CRADD: variants seen among roughly 807,000 people sequenced by gnomAD.
CRADD encodes the protein CARD and death domain containing adaptor protein, also known as death domain-containing protein CRADD.
A neutral mutation model predicts 15.5 loss-of-function variants in CRADD; 9 were observed. The observed-to-expected ratio is 0.58, with a 90% confidence interval of 0.35 to 1.01. CRADD has a LOEUF of 1.01. Ranked by LOEUF, CRADD falls within the 50% of genes least tolerant of loss-of-function variation. CRADD has a pLI of 0.02. For synonymous variants in CRADD, 118 were observed against 107.6 expected (o/e 1.10, Z -0.60); for missense variants, 227 against 250.3 (o/e 0.91, Z 0.63).
rs36015332 is a variant in CRADD, at chr12:93,888,424, CA to C, written c.299-5610del. 2.0e-3 allele frequency among the ~76,000 whole-genome samples: 222 copies of C among 113,148 alleles called. 1 individual carries two copies. The highest frequency in any genetic ancestry group is 4.5e-3 in the Middle Eastern group (1 of 220). The allele number at this position is 113,148 out of a possible 152,430, so 74.2% of individuals were successfully genotyped here. On this transcript the variant is annotated intron_variant, in intron 2 of 2. Transcript: ENST00000548483. ...TGGGTGACAGAGTGAGACTCCGTCT[CA>C]AAAAAAAAAAAAAAAGATAGAGATG...
intron 2 of CRADD, among the ~76,000 whole-genome samples, chr12:93,704,352 G>A (rs926125820): frequency 2.0e-5 from 3 of 152,108 alleles, no homozygotes; most frequent in Admixed American, 6.5e-5. Context: ...AACAAATCTT[G>A]ATTTCCACTT....
chr12:93,784,003 C>G (rs1461323571), intron 2 of CRADD, among the ~76,000 whole-genome samples: 1 of 152,116 alleles, frequency 6.6e-6, no homozygotes, highest in African/African-American at 2.4e-5. Context: ...CAAGCCACCT[C>G]GCCAAACTCT....
chr12:93,790,311 A>C (rs139533575), intron 2 of CRADD, among the ~76,000 whole-genome samples: 1 of 151,864 alleles, frequency 6.6e-6, no homozygotes, highest in Non-Finnish European at 1.5e-5. Context: ...AAACTCAACT[A>C]TAGGTGGGGG....
intron 2 of CRADD, among the ~76,000 whole-genome samples, chr12:93,791,449 C>T (rs534905489): frequency 6.6e-6 from 1 of 152,202 alleles, no homozygotes; most frequent in South Asian, 2.1e-4. Context: ...TGTGTGATTT[C>T]ACTTGCACGT....
intron 2 of CRADD, chr12:93,837,169 A>G (rs1030083004): frequency 8.6e-6 from 1 of 116,428 alleles, no homozygotes; most frequent in African/African-American, 2.6e-5. Context: ...TGTGAGAGAA[A>G]TGAATGGCCC....
intron 2 of CRADD, among the ~76,000 whole-genome samples, chr12:93,795,927 C>T (rs1957410466): frequency 6.6e-6 from 1 of 152,196 alleles, no homozygotes; most frequent in African/African-American, 2.4e-5. Flanking sequence ...TGAACAATTT[C>T]TAATCTTCTC....
At chr12:93,778,515 T>C (rs1004202594) in intron 2 of CRADD, among the ~76,000 whole-genome samples, 5 of 152,238 alleles carry the variant, frequency 3.3e-5, no homozygotes, top group Admixed American at 2.0e-4. Context: ...TTTATGTCAA[T>C]GTCAAGGCCT....
intron 2 of CRADD, among the ~76,000 whole-genome samples, chr12:93,867,405 T>TATATATATATATATATATA (rs1207739624): frequency 0.012 from 1,227 of 101,880 alleles, 77 homozygotes; most frequent in African/African-American, 0.029. Flanking sequence ...ATATATATAT[T>TATATATATATATATATATA]TTTTAAACTT....
chr12:93,802,318 G>A (rs568783926), intron 2 of CRADD, among the ~76,000 whole-genome samples: 1 of 152,212 alleles, frequency 6.6e-6, no homozygotes, highest in Non-Finnish European at 1.5e-5. Flanking sequence ...CAGGGTAAAA[G>A]TGTTTCCTTT....
Position 93,748,735 on chromosome 12 carries a change from C to T in CRADD, c.298+69663C>T, listed in dbSNP as rs181592929. Among the ~76,000 whole-genome samples the T allele has an allele frequency of 2.6e-5, 4 of 152,316 alleles. No homozygotes were observed. The East Asian group carries it at 7.7e-4, about 29-fold the overall frequency. On this transcript the variant is annotated intron_variant, in intron 2 of 2. Transcript: ENST00000332896. ...GAGGGATCCAGTCCCCCTTCGGGAC[C>T]TGCTTTTGGCTTTGGTAAATCCTAA...
At chr12:93,728,916 G>A (rs1956416126) in intron 2 of CRADD, among the ~76,000 whole-genome samples, 1 of 152,172 alleles carries the variant, frequency 6.6e-6, no homozygotes, top group Admixed American at 6.5e-5. Context: ...GCTACAACAG[G>A]AAGTCTAGAA....
intron 2 of CRADD, among the ~76,000 whole-genome samples, chr12:93,684,890 T>TG (rs1272805172): frequency 6.6e-6 from 1 of 152,168 alleles, no homozygotes; most frequent in Non-Finnish European, 1.5e-5. Context: ...CTCCCTGGGA[T>TG]GAATCACATT....
intron 2 of CRADD, among the ~76,000 whole-genome samples, chr12:93,765,578 A>T (rs1258675137): frequency 1.3e-5 from 2 of 152,150 alleles, no homozygotes; most frequent in African/African-American, 2.4e-5. Context: ...ATTGAGGGTG[A>T]GAGGGCATGA....
intron 2 of CRADD, among the ~76,000 whole-genome samples, chr12:93,734,159 C>T (rs554968270): frequency 2.0e-5 from 3 of 152,106 alleles, no homozygotes; most frequent in African/African-American, 7.2e-5. Context: ...TCTGTCCATC[C>T]ATCCCATCCA....
chr12:93,828,584 G>A lies in CRADD; in HGVS notation c.299-21386G>A, dbSNP rs75876992. Among the ~76,000 whole-genome samples the A allele has an allele frequency of 4.5e-3, 682 of 152,332 alleles. 5 individuals carry two copies. The highest frequency in any genetic ancestry group is 0.015 in the African/African-American group (635 of 41,576). ...AGAGTCAGTTGTTTTAGCATCACTTGTTGAAGAAACTATCCTTTCTCCATT... is the reference window on the plus strand; with the variant it reads ...AGAGTCAGTTGTTTTAGCATCACTTATTGAAGAAACTATCCTTTCTCCATT... On this transcript the variant is annotated intron_variant, in intron 2 of 2. Coordinates refer to ENST00000332896, the MANE Select transcript of CRADD (RefSeq NM_003805.5).
At chr12:93,735,184 G>A (rs1317927378) in intron 2 of CRADD, among the ~76,000 whole-genome samples, 1 of 152,216 alleles carries the variant, frequency 6.6e-6, no homozygotes, top group Non-Finnish European at 1.5e-5. Flanking sequence ...GAAACCCAGA[G>A]CGGCACAAGC....
chr12:93,713,647 T>C (rs773630145), intron 2 of CRADD, among the ~76,000 whole-genome samples: 1 of 152,160 alleles, frequency 6.6e-6, no homozygotes, highest in Non-Finnish European at 1.5e-5. Context: ...TGTATTGTTA[T>C]TGTTTATTTA....
chr12:93,886,560 C>T (rs148788062), intron 2 of CRADD, among the ~76,000 whole-genome samples: 324 of 152,228 alleles, frequency 2.1e-3, no homozygotes, highest in Non-Finnish European at 3.5e-3. Context: ...TTTCACCTGA[C>T]GGTAGTCCAG....
chr12:93,691,613 A>G (rs1038484380), intron 2 of CRADD, among the ~76,000 whole-genome samples: 2 of 152,172 alleles, frequency 1.3e-5, no homozygotes, highest in African/African-American at 2.4e-5. Flanking sequence ...AATGGGGTAA[A>G]AGAGGTCTCT....
Sources: gnomAD v4.1 joint callset for allele counts (sites outside exome capture counted in the v4.1 genomes callset) on GRCh38, gnomAD v4.1.1 for gene constraint, MANE v1.5 for transcripts, NCBI Gene and HGNC (gene_info 2026-07-23, HGNC 2026-07-21) for gene names.